The following ZBTB7A variants were observed in gnomAD, a reference collection of about 807,000 sequenced individuals.
ZBTB7A encodes the protein zinc finger and BTB domain containing 7A.
In ZBTB7A, 7 loss-of-function variants were observed where a neutral mutation model predicts 26.7. That is an observed-to-expected ratio of 0.26 (90% CI 0.15 to 0.49). The LOEUF is 0.49. Among genes scored for constraint, ZBTB7A ranks in the 20% least tolerant of loss-of-function variants. The pLI, the probability that ZBTB7A is intolerant of heterozygous loss-of-function variation, is 0.98. For synonymous variants in ZBTB7A, 452 were observed against 441.0 expected (o/e 1.02, Z -0.31); for missense variants, 617 against 919.5 (o/e 0.67, Z 4.25).
Position 4,047,639 on chromosome 19 carries a change from A to G in ZBTB7A, c.*113T>C, listed in dbSNP as rs2040438130. 2.0e-6 allele frequency: 2 copies of G among 1,010,466 alleles called. No homozygotes were observed. The highest frequency in any genetic ancestry group is 1.8e-5 in the South Asian group (1 of 56,682). 62.6% of individuals were successfully genotyped at this position (1,010,466 alleles called of 1,614,324 possible). A position where few individuals can be genotyped will look rare whatever the true frequency, so the allele number is the denominator to read the frequency against. ...TGTATATATATATATAGATATAGAT[A>G]TCTGTATATAGATAGATTTTCTTTT... On this transcript the variant is annotated 3_prime_UTR_variant, in exon 3 of 3. Transcript: ENST00000322357.
At chr19:4,055,548 C>A in intron 1 of ZBTB7A, 3 of 915,344 alleles carry the variant, frequency 3.3e-6, no homozygotes, top group Non-Finnish European at 3.9e-6. Flanking sequence ...CTCGGCCTGG[C>A]GCGGTGGCTC....
rs1475749218 is a variant in ZBTB7A at position 4,048,628 on chromosome 19, C to T, written c.1263-384G>A. On this transcript the variant is annotated intron_variant, in intron 2 of 2. Transcript: ENST00000322357. The surrounding 1 kb of genome is among the most constrained non-coding windows in gnomAD (Gnocchi z 6.7). ...GGCGGATCACTTGAGGCCAGGAGTT[C>T]GAGACCAGCCTGATCGACACGGTGA... Among the ~76,000 whole-genome samples, 1 of 151,540 alleles carries T rather than the reference C, an allele frequency of 6.6e-6. No individual in the cohort carries two copies. Among genetic ancestry groups the T allele is most frequent in the East Asian group, 1.9e-4 (1 of 5,158 alleles).
At position 4,054,812 on chromosome 19, in the gene ZBTB7A, C is replaced by G; in HGVS notation, c.421G>C (p.Gly141Arg). The G allele has an allele frequency of 6.3e-7, 1 of 1,594,858 alleles. No homozygotes were observed. Among genetic ancestry groups the G allele is most frequent in the Non-Finnish European group, 8.5e-7 (1 of 1,170,594 alleles). ...ILAADAGADA[G>R]QLDLVDQIDQ... ...ATTTGATCTACAAGGTCCAGCTGCC[C>G]GGCGTCGGCGCCCGCGTCGGCCGCC... is the stretch of plus-strand genomic sequence containing the variant. The change falls in exon 2 of 3, where the codon GGG (glycine) becomes CGG (arginine). Residue 141 changes from glycine to arginine, a missense_variant. Transcript: ENST00000322357.
chr19:4,061,370 C>A (rs2040635930), intron 1 of ZBTB7A, among the ~76,000 whole-genome samples: 1 of 152,136 alleles, frequency 6.6e-6, no homozygotes, highest in Non-Finnish European at 1.5e-5. Context: ...CCGGCAGCCC[C>A]CGCCCCCTCC....
chr19:4,054,040 G>T lies in ZBTB7A; in HGVS notation c.1193C>A (p.Pro398Gln). 2 of 1,612,282 alleles carry T rather than the reference G, an allele frequency of 1.2e-6. No homozygotes were observed. The highest frequency in any genetic ancestry group is 1.7e-6 in the Non-Finnish European group (2 of 1,179,830). ...EKVIQGAGKLPRHIRTHTGEK... is the reference protein window; with the variant it reads ...EKVIQGAGKLQRHIRTHTGEK... The stretch of plus-strand genomic sequence containing the variant: ...GCCCGTGTGGGTGCGGATGTGTCGC[G>T]GCAGCTTGCCGGCGCCCTGGATGAC... Residue 398 changes from proline (P) to glutamine (Q), a missense_variant, in exon 2 of 3, where the codon CCG becomes CAG. Coordinates refer to ENST00000322357, the MANE Select transcript of ZBTB7A (RefSeq NM_015898.4).
At chr19:4,058,227 G>A (rs1236499134) in intron 1 of ZBTB7A, among the ~76,000 whole-genome samples, 1 of 152,204 alleles carries the variant, frequency 6.6e-6, no homozygotes, top group Non-Finnish European at 1.5e-5. Context: ...GGAGGAGCAG[G>A]GAGCCGGGGG....
chr19:4,060,368 G>A (rs1191643287), intron 1 of ZBTB7A, among the ~76,000 whole-genome samples: 1 of 152,218 alleles, frequency 6.6e-6, no homozygotes, highest in African/African-American at 2.4e-5. Flanking sequence ...TAACCTAAGG[G>A]TCACTTGCTG....
rs531104277 is a variant in ZBTB7A at position 4,053,697 on chromosome 19, CTGTG to C, written c.1262+270_1262+273del. Reference sequence around the variant, plus strand: ...GTGGTGTGCGTGTGCGTGTGTGCGTCTGTGTGTGTGCATGTGTACGTGGCATACG... The same window carrying C: ...GTGGTGTGCGTGTGCGTGTGTGCGTCTGTGTGCATGTGTACGTGGCATACG... On this transcript the variant is annotated intron_variant, in intron 2 of 2. Coordinates refer to ENST00000322357, the MANE Select transcript of ZBTB7A (RefSeq NM_015898.4). Among the ~76,000 whole-genome samples the C allele has an allele frequency of 1.8e-3, 264 of 149,836 alleles. 5 individuals carry two copies. In the South Asian group the frequency reaches 0.03, roughly 17 times the overall value.
rs1427115989 is a variant in ZBTB7A at position 4,046,815 on chromosome 19, AAG to A, written c.*935_*936del. 6.7e-6 allele frequency: 1 copy of A among 148,834 alleles called. No homozygotes were observed. Among genetic ancestry groups the A allele is most frequent in the Non-Finnish European group, 1.5e-5 (1 of 67,338 alleles). 9.2% of individuals were successfully genotyped at this position (148,834 alleles called of 1,614,324 possible). ...ATATAAATTTTGTTTTTAAGGAGGA[AAG>A]AGAAAAAAAAATCTAAAAAGTGCTT... On this transcript the variant is annotated 3_prime_UTR_variant, in exon 3 of 3. Coordinates refer to ENST00000322357, the MANE Select transcript of ZBTB7A (RefSeq NM_015898.4).
Position 4,054,707 on chromosome 19 carries a change from C to T in ZBTB7A, c.526G>A (p.Ala176Thr). 1 of 1,576,190 alleles carries T rather than the reference C, an allele frequency of 6.3e-7. No homozygotes were observed. Among genetic ancestry groups the T allele is most frequent in the Non-Finnish European group, 8.6e-7 (1 of 1,161,232 alleles). Residue 176 changes from alanine (A) to threonine (T), a missense_variant, in exon 2 of 3, where the codon GCC (alanine) becomes ACC (threonine). This residue lies in a region of ZBTB7A where 331 missense variants were observed against 391.3 expected (regional missense o/e 0.85). Coordinates refer to ENST00000322357, the MANE Select transcript of ZBTB7A (RefSeq NM_015898.4). ...SNPMNSLPPAAAAAAASFPWS... is the reference protein window; with the variant it reads ...SNPMNSLPPATAAAAASFPWS... ...GGGAAGCTGGCAGCGGCGGCGGCGGCCGCGGGGGGCAGGCTGTTCATGGGG... is the reference window on the plus strand; with the variant it reads ...GGGAAGCTGGCAGCGGCGGCGGCGGTCGCGGGGGGCAGGCTGTTCATGGGG...
At chr19:4,057,329 G>A (rs1190690151) in intron 1 of ZBTB7A, among the ~76,000 whole-genome samples, 1 of 152,092 alleles carries the variant, frequency 6.6e-6, no homozygotes. Context: ...GGCAACAAGA[G>A]CGAAACTCCG....
At chr19:4,053,458 T>C (rs2040526011) in intron 2 of ZBTB7A, among the ~76,000 whole-genome samples, 1 of 152,076 alleles carries the variant, frequency 6.6e-6, no homozygotes, top group Non-Finnish European at 1.5e-5. Context: ...TGCATGTGCC[T>C]GCATGCATGT....
rs937015878 is a variant in ZBTB7A, at chr19:4,047,444, T to C, written c.*308A>G. ...GGGCTGTGCGGGGTCTCGGATTCCT[T>C]GTGTCCTACAAAAAACCCCAAACCA... is the stretch of plus-strand genomic sequence containing the variant. On this transcript the variant is annotated 3_prime_UTR_variant, in exon 3 of 3. Transcript: ENST00000322357. 5.5e-5 allele frequency: 9 copies of C among 163,772 alleles called. No homozygotes were observed. Among genetic ancestry groups the C allele is most frequent in the Non-Finnish European group, 1.2e-4 (9 of 75,750 alleles). The allele number at this position is 163,772 out of a possible 1,614,324, so 10.1% of individuals were successfully genotyped here.
In ZBTB7A at chr19:4,054,208, C is replaced by T. The variant is rs1023164792; in HGVS notation, c.1025G>A (p.Arg342Gln). Residue 342 changes from arginine to glutamine, a missense_variant, in exon 2 of 3, where the codon CGG becomes CAG. By Grantham distance (43) the Arg-to-Gln change is conservative. Around this residue, in one of 5 missense-constraint regions of ZBTB7A, gnomAD observed 331 missense variants for 391.3 expected, o/e 0.85. Transcript: ENST00000322357. ...GTCCATGACGCCCTTGTCGTCGGCC[C>T]GCGACTCCTCGTCGCTGTCCCCCGC... is the stretch of plus-strand genomic sequence containing the variant. ...AAAGDSDEES[R>Q]ADDKGVMDYY... is the part of the protein sequence containing the mutation. 6.3e-7 allele frequency: 1 copy of T among 1,587,618 alleles called. No individual in the cohort carries two copies. The highest frequency in any genetic ancestry group is 8.5e-7 in the Non-Finnish European group (1 of 1,172,714).
In ZBTB7A at chr19:4,047,682, G is replaced by A. The variant is rs929878636; in HGVS notation, c.*70C>T. ...TTTCTTTTTTTGTGTTTTTGGGGGG[G>A]TGGTGGGTGATTTTTTTTCTCTCTC... is the stretch of plus-strand genomic sequence containing the variant. On this transcript the variant is annotated 3_prime_UTR_variant, in exon 3 of 3. Coordinates refer to ENST00000322357, the MANE Select transcript of ZBTB7A (RefSeq NM_015898.4). 2.6e-6 allele frequency: 4 copies of A among 1,526,568 alleles called. No homozygotes were observed. Among genetic ancestry groups the A allele is most frequent in the South Asian group, 1.3e-5 (1 of 79,966 alleles). The allele number at this position is 1,526,568 out of a possible 1,614,324, so 94.6% of individuals were successfully genotyped here.
Position 4,053,915 on chromosome 19 carries a change from C to T in ZBTB7A, c.1262+56G>A, listed in dbSNP as rs567050529. ...GGAGAGAGGCGGGAGGGGTCGTGAG[C>T]GGCGGATGCTGGGGCAGAGAGCAGG... On this transcript the variant is annotated intron_variant, in intron 2 of 2. Transcript: ENST00000322357. The T allele has an allele frequency of 3.5e-4, 529 of 1,527,202 alleles. 3 individuals are homozygous for T. In the South Asian group the frequency reaches 6.0e-3, roughly 17 times the overall value. 94.6% of individuals were successfully genotyped at this position (1,527,202 alleles called of 1,614,324 possible).
intron 2 of ZBTB7A, 152 bp downstream of exon 2, chr19:4,053,819 C>A: frequency 1.2e-6 from 1 of 845,504 alleles, no homozygotes; most frequent in South Asian, 1.8e-5. Flanking sequence ...GTGCATGTGT[C>A]TGTGCGTGTA....
rs957247603 is a variant in ZBTB7A at position 4,047,453 on chromosome 19, C to CA, written c.*298dup. 1.8e-5 allele frequency: 3 copies of CA among 170,008 alleles called. No individual in the cohort carries two copies. Among genetic ancestry groups the CA allele is most frequent in the Non-Finnish European group, 3.7e-5 (3 of 80,098 alleles). 10.5% of individuals were successfully genotyped at this position (170,008 alleles called of 1,614,324 possible). On this transcript the variant is annotated 3_prime_UTR_variant, in exon 3 of 3. Transcript: ENST00000322357. ...GGGGTCTCGGATTCCTTGTGTCCTA[C>CA]AAAAAACCCCAAACCAAGCCCCGAA...
intron 1 of ZBTB7A, chr19:4,065,368 A>C: frequency 7.0e-6 from 1 of 142,286 alleles, no homozygotes; most frequent in Non-Finnish European, 1.6e-5. Context: ...CCCCGGCCGC[A>C]GCGCGCGGCC....
Sources: allele counts gnomAD v4.1 joint callset (sites outside exome capture counted in the v4.1 genomes callset), GRCh38; gene constraint gnomAD v4.1.1; regional missense constraint gnomAD v4.1.1; non-coding constraint Gnocchi (gnomAD v3.1); transcripts MANE v1.5; gene names NCBI Gene and HGNC (gene_info 2026-07-23, HGNC 2026-07-21).